Variants in CCNH observed in about 807,000 individuals in gnomAD.
CCNH encodes the protein cyclin H.
Under a neutral mutation model 41.9 loss-of-function variants are expected in CCNH, and 31 were observed. That is an observed-to-expected ratio of 0.74 (90% confidence interval 0.56 to 1.00). The LOEUF (loss-of-function observed/expected upper bound fraction) is 1.00. Among genes scored for constraint, CCNH ranks in the 50% least tolerant of loss-of-function variants. The pLI, the probability that CCNH is intolerant of heterozygous loss-of-function variation, is 0.00. For missense variants in CCNH, 362 were observed against 388.4 expected (o/e 0.93, Z 0.57); for synonymous variants, 138 against 136.1 (o/e 1.01, Z -0.10).
At chr5:87,344,045 A>C (rs1758667334) in intron 9 of CCNH, among the ~76,000 whole-genome samples, 1 of 152,154 alleles carries the variant, frequency 6.6e-6, no homozygotes, top group Admixed American at 6.6e-5. Context: ...AGATAGTAGA[A>C]TGATGGTTAC....
intron 6 of CCNH, among the ~76,000 whole-genome samples, chr5:87,400,707 G>T (rs1763339318): frequency 1.3e-5 from 2 of 152,094 alleles, no homozygotes; most frequent in African/African-American, 4.8e-5. Context: ...CGAAAATCAA[G>T]ATTTCAATCT....
chr5:87,339,681 A>T (rs926971088), intron 9 of CCNH, among the ~76,000 whole-genome samples: 1 of 152,186 alleles, frequency 6.6e-6, no homozygotes, highest in Non-Finnish European at 1.5e-5. Context: ...TCACATCAGT[A>T]CAAGGGATCA....
In CCNH at chr5:87,408,127, A is replaced by C; in HGVS notation, c.374T>G (p.Phe125Cys). Reference protein sequence around the residue: ...VDEFNVSSPQFVGNLRESPLG... With the variant: ...VDEFNVSSPQCVGNLRESPLG... ...AGGACTCTCCCGGAGGTTTCCAACA[A>C]ACTGAGGACTAGATACATTGAATTC... Residue 125 changes from phenylalanine to cysteine, a missense_variant, in exon 4 of 9, where the codon TTT (phenylalanine) becomes TGT (cysteine). Coordinates refer to ENST00000256897, the MANE Select transcript of CCNH (RefSeq NM_001239.4). The C allele has an allele frequency of 6.2e-7, 1 of 1,613,690 alleles. No homozygotes were observed. Among genetic ancestry groups the C allele is most frequent in the Non-Finnish European group, 8.5e-7 (1 of 1,179,762 alleles).
At chr5:87,335,588 G>A (rs1468982802) in intron 9 of CCNH, among the ~76,000 whole-genome samples, 1 of 151,558 alleles carries the variant, frequency 6.6e-6, no homozygotes, top group East Asian at 2.0e-4. Context: ...ACCACACCTG[G>A]CTAATTTTGA....
intron 7 of CCNH, among the ~76,000 whole-genome samples, chr5:87,396,446 T>C (rs936819283): frequency 6.6e-6 from 1 of 151,486 alleles, no homozygotes; most frequent in African/African-American, 2.4e-5. Flanking sequence ...CACGGTAAAA[T>C]CCCGTCTCTA....
chr5:87,389,347 A>ATTTT (rs1561333312), downstream of CCNH: 1 of 1,611,542 alleles, frequency 6.2e-7, no homozygotes, highest in South Asian at 1.1e-5. Flanking sequence ...AAACAAAAAA[A>ATTTT]AAGAAGATTT....
intron 9 of CCNH, among the ~76,000 whole-genome samples, chr5:87,322,073 G>A (rs750147024): frequency 1.3e-5 from 2 of 152,110 alleles, no homozygotes; most frequent in African/African-American, 2.4e-5. Flanking sequence ...GGGTCTGGTG[G>A]GTGTTTGGAT....
intron 9 of CCNH, among the ~76,000 whole-genome samples, chr5:87,368,012 A>G (rs187377165): frequency 1.3e-5 from 2 of 152,238 alleles, no homozygotes; most frequent in East Asian, 3.9e-4. Flanking sequence ...GTGCTTCATC[A>G]ATCTGAGACC....
At chr5:87,394,714 C>T (rs971629071) in intron 8 of CCNH, 17 of 1,333,008 alleles carry the variant, frequency 1.3e-5, no homozygotes, top group Non-Finnish European at 1.6e-5. Flanking sequence ...TGATTATTCA[C>T]TTATTTGACT....
At chr5:87,333,230 CTA>C in intron 9 of CCNH, 14 of 1,604,978 alleles carry the variant, frequency 8.7e-6, no homozygotes, top group Non-Finnish European at 1.1e-5. Flanking sequence ...GATAAAAAGA[CTA>C]TCTTTTTAAA....
chr5:87,327,171 G>A (rs1281727178), intron 9 of CCNH, among the ~76,000 whole-genome samples: 2 of 152,100 alleles, frequency 1.3e-5, no homozygotes, highest in African/African-American at 4.8e-5. Context: ...ATAATATTAA[G>A]CCAACATTCT....
intron 8 of CCNH, 154 bp downstream of exon 8, chr5:87,394,886 TAATG>T (rs1474262633): frequency 8.4e-6 from 12 of 1,424,418 alleles, no homozygotes; most frequent in Non-Finnish European, 1.1e-5. Flanking sequence ...ATCCCTTTAA[TAATG>T]GACAACAGTA....
intron 9 of CCNH, among the ~76,000 whole-genome samples, chr5:87,321,201 A>G (rs1172298018): frequency 6.6e-6 from 1 of 152,206 alleles, no homozygotes; most frequent in Non-Finnish European, 1.5e-5. Context: ...TTTTATGTCT[A>G]GGAAGATAAG....
At chr5:87,397,724 T>C (rs1474942785) in intron 7 of CCNH, among the ~76,000 whole-genome samples, 1 of 152,198 alleles carries the variant, frequency 6.6e-6, no homozygotes, top group Non-Finnish European at 1.5e-5. Flanking sequence ...GTTAAGAATT[T>C]TGGATTATGG....
In CCNH at chr5:87,399,522, AAAG is replaced by A; in HGVS notation, c.761-20_761-18del. On this transcript the variant is annotated intron_variant, in intron 6 of 8. Transcript: ENST00000256897. ...TTCTCATGCCTATGTGGATACAAAA[AAAG>A]AATTTAAACTGAATAAGCAAACCTC... 1 of 1,538,726 alleles carries A rather than the reference AAAG, an allele frequency of 6.5e-7. No individual in the cohort carries two copies. The highest frequency in any genetic ancestry group is 1.4e-5 in the African/African-American group (1 of 73,772).
At chr5:87,335,951 C>A (rs771641611) in intron 9 of CCNH, among the ~76,000 whole-genome samples, 11 of 152,144 alleles carry the variant, frequency 7.2e-5, no homozygotes, top group Non-Finnish European at 1.6e-4. Context: ...CAAGAAAGTA[C>A]CACTCGTTGA....
chr5:87,344,733 G>A (rs1339506364), intron 9 of CCNH, among the ~76,000 whole-genome samples: 3 of 141,736 alleles, frequency 2.1e-5, no homozygotes, highest in African/African-American at 7.9e-5. Context: ...TGCCCAGACT[G>A]GTCTCAAACG....
chr5:87,330,855 G>A, intron 9 of CCNH: 1 of 740,722 alleles, frequency 1.4e-6, no homozygotes, highest in Admixed American at 3.9e-5. Context: ...AATTAAAATA[G>A]CATCCTTTAG....
intron 9 of CCNH, among the ~76,000 whole-genome samples, chr5:87,360,695 A>G (rs906619742): frequency 2.0e-5 from 3 of 152,204 alleles, no homozygotes; most frequent in African/African-American, 7.2e-5. Context: ...AAAACAGGAT[A>G]ATAGAAGTAA....
Sources: allele counts gnomAD v4.1 joint callset (sites outside exome capture counted in the v4.1 genomes callset), GRCh38; gene constraint gnomAD v4.1.1; transcripts MANE v1.5; gene names NCBI Gene and HGNC (gene_info 2026-07-23, HGNC 2026-07-21).